Variants in PIK3C2G observed in about 807,000 individuals in gnomAD.
The protein encoded by PIK3C2G is phosphatidylinositol-4-phosphate 3-kinase catalytic subunit type 2 gamma, also known as phosphatidylinositol 3-kinase C2 domain-containing subunit gamma.
A neutral mutation model predicts 181.1 loss-of-function variants in PIK3C2G; 168 were observed. The observed-to-expected ratio is 0.93, with a 90% confidence interval of 0.82 to 1.05. The LOEUF (loss-of-function observed/expected upper bound fraction) is 1.05, where lower values mean the gene tolerates loss of function less well. Ranked by LOEUF, PIK3C2G falls within the 50% of genes least tolerant of loss-of-function variation. PIK3C2G has a pLI of 0.00. For synonymous variants in PIK3C2G, 573 were observed against 592.2 expected, an observed-to-expected ratio of 0.97 and a Z score of 0.47; for missense variants, 1,869 against 1,732.8, an observed-to-expected ratio of 1.08 and a Z score of -1.40.
rs575883121 is a variant in PIK3C2G at position 18,444,910 on chromosome 12, T to C, written c.2504+20871T>C. Among the ~76,000 whole-genome samples the C allele has an allele frequency of 7.4e-4, 112 of 152,242 alleles. 1 individual carries two copies. The highest frequency in any genetic ancestry group is 2.6e-3 in the African/African-American group (109 of 41,554). On this transcript the variant is annotated intron_variant, in intron 18 of 32. Coordinates refer to ENST00000538779, the MANE Select transcript of PIK3C2G (RefSeq NM_001288772.2). ...GTTCAGTTTTTGTCCTTACCCATAATTAAAACTATATGATACTTGCCAAAA... is the reference window on the plus strand; with the variant it reads ...GTTCAGTTTTTGTCCTTACCCATAACTAAAACTATATGATACTTGCCAAAA...
At chr12:18,469,845 A>G (rs1565757183) in intron 18 of PIK3C2G, among the ~76,000 whole-genome samples, 2 of 149,040 alleles carry the variant, frequency 1.3e-5, no homozygotes, top group African/African-American at 4.9e-5. Context: ...CCCTCTTATT[A>G]CCTAGCTATC....
downstream of PIK3C2G, among the ~76,000 whole-genome samples, chr12:18,648,852 C>A (rs1450744174): frequency 5.9e-5 from 9 of 152,092 alleles, no homozygotes; most frequent in Non-Finnish European, 7.4e-5. Flanking sequence ...ATGCCACATT[C>A]TTTAAAACAA....
intron 32 of PIK3C2G, among the ~76,000 whole-genome samples, chr12:18,646,911 G>GA (rs58673687): frequency 0.013 from 1,858 of 148,534 alleles, 32 homozygotes; most frequent in African/African-American, 0.044. Context: ...GATTCCTTTT[G>GA]AAAAAAAAAG....
At chr12:18,537,291 T>A (rs1943911209) in intron 24 of PIK3C2G, among the ~76,000 whole-genome samples, 1 of 152,120 alleles carries the variant, frequency 6.6e-6, no homozygotes, top group Non-Finnish European at 1.5e-5. Flanking sequence ...AATTGCTACT[T>A]GGTCTAACCT....
the PIK3C2G span, among the ~76,000 whole-genome samples, chr12:18,716,990 A>G: frequency 0.035 from 5,357 of 152,264 alleles, 128 homozygotes; most frequent in East Asian, 0.055. Flanking sequence ...GAAAGGGAAG[A>G]AATATGAGCA....
chr12:18,701,637 TCCTCCTC>T, the PIK3C2G span: 1 of 1,588,832 alleles, frequency 6.3e-7, no homozygotes. Flanking sequence ...CTCCTCCTCC[TCCTCCTC>T]CTCCTCCTCT....
intron 18 of PIK3C2G, among the ~76,000 whole-genome samples, chr12:18,448,680 T>G (rs530867092): frequency 1.7e-3 from 255 of 152,218 alleles, no homozygotes; most frequent in African/African-American, 5.3e-3. Context: ...TCCTTTAAGT[T>G]TATCCATGTT....
chr12:18,560,201 A>T (rs1293201721), intron 26 of PIK3C2G, among the ~76,000 whole-genome samples: 1 of 151,652 alleles, frequency 6.6e-6, no homozygotes, highest in East Asian at 2.0e-4. Context: ...AAAATCCTCT[A>T]CTCCTTCCTG....
At chr12:18,463,752 T>C (rs753563592) in intron 18 of PIK3C2G, among the ~76,000 whole-genome samples, 1 of 152,162 alleles carries the variant, frequency 6.6e-6, no homozygotes, top group Non-Finnish European at 1.5e-5. Context: ...TAGACTCACA[T>C]TTTACAATTG....
At chr12:18,642,203 T>C (rs1565592155) in intron 32 of PIK3C2G, among the ~76,000 whole-genome samples, 1 of 152,076 alleles carries the variant, frequency 6.6e-6, no homozygotes, top group African/African-American at 2.4e-5. Flanking sequence ...GTCTCAAAGA[T>C]TTTCTCTTAT....
At position 18,437,194 on chromosome 12, in the gene PIK3C2G, A is replaced by G. The variant is rs1169557225; in HGVS notation, c.2504+13155A>G. Among the ~76,000 whole-genome samples the G allele has an allele frequency of 2.0e-5, 3 of 151,942 alleles. No homozygotes were observed. The South Asian group carries it at 6.2e-4, about 31-fold the overall frequency. ...ATTTTTTGTATCTTTGTTCATGAAA[A>G]GATTGCTCCTTGAAAATGTTGAATG... On this transcript the variant is annotated intron_variant, in intron 18 of 32. Coordinates refer to ENST00000538779, the MANE Select transcript of PIK3C2G (RefSeq NM_001288772.2).
intron 16 of PIK3C2G, among the ~76,000 whole-genome samples, chr12:18,416,891 T>C (rs1043869854): frequency 6.6e-6 from 1 of 152,204 alleles, no homozygotes; most frequent in Non-Finnish European, 1.5e-5. Context: ...TTAAGTCTTA[T>C]TATTTAAGAA....
At chr12:18,509,289 T>A (rs925566547) in intron 24 of PIK3C2G, among the ~76,000 whole-genome samples, 1 of 152,090 alleles carries the variant, frequency 6.6e-6, no homozygotes, top group Non-Finnish European at 1.5e-5. Flanking sequence ...CTCAGGCAAT[T>A]CGCCCGCCTC....
At chr12:18,644,162 C>G (rs1313670559) in intron 32 of PIK3C2G, among the ~76,000 whole-genome samples, 4 of 151,954 alleles carry the variant, frequency 2.6e-5, no homozygotes, top group African/African-American at 9.7e-5. Flanking sequence ...CAGAGTGAGC[C>G]CCAATAGGCT....
chr12:18,421,975 C>T (rs1945512724), intron 17 of PIK3C2G, among the ~76,000 whole-genome samples: 1 of 152,038 alleles, frequency 6.6e-6, no homozygotes, highest in African/African-American at 2.4e-5. Flanking sequence ...TCCAGTCTTT[C>T]TTGAAAATAA....
At chr12:18,297,884 C>G (rs1235411919) in intron 5 of PIK3C2G, among the ~76,000 whole-genome samples, 1 of 151,948 alleles carries the variant, frequency 6.6e-6, no homozygotes, top group African/African-American at 2.4e-5. Flanking sequence ...GAACAGTATT[C>G]CATTGTGTAT....
intron 18 of PIK3C2G, among the ~76,000 whole-genome samples, chr12:18,453,310 C>T (rs915843434): frequency 2.0e-5 from 3 of 152,052 alleles, no homozygotes; most frequent in African/African-American, 7.2e-5. Flanking sequence ...TTATGTAATG[C>T]TCTTCTTTGT....
chr12:18,540,253 A>G (rs1003965673), intron 25 of PIK3C2G, among the ~76,000 whole-genome samples: 4 of 151,920 alleles, frequency 2.6e-5, no homozygotes, highest in African/African-American at 9.7e-5. Context: ...CGAGGTATCC[A>G]GCATTTCTAA....
At chr12:18,305,288 A>G (rs1352956762) in intron 5 of PIK3C2G, among the ~76,000 whole-genome samples, 1 of 152,152 alleles carries the variant, frequency 6.6e-6, no homozygotes, top group Non-Finnish European at 1.5e-5. Flanking sequence ...AAGTTTGTTT[A>G]TTATGATTAA....
Sources: allele counts gnomAD v4.1 joint callset (sites outside exome capture counted in the v4.1 genomes callset), GRCh38; gene constraint gnomAD v4.1.1; transcripts MANE v1.5; gene names NCBI Gene and HGNC (gene_info 2026-07-23, HGNC 2026-07-21).